The following DPYSL5 variants were observed in gnomAD, a reference collection of about 807,000 sequenced individuals.
DPYSL5 encodes the protein dihydropyrimidinase like 5.
In DPYSL5, 9 loss-of-function variants were observed where a neutral mutation model predicts 58.4. That is an observed-to-expected ratio of 0.15 (90% confidence interval 0.09 to 0.27). The LOEUF (loss-of-function observed/expected upper bound fraction) is 0.27, where lower values mean the gene tolerates loss of function less well. DPYSL5 is among the 10% of genes least tolerant of loss of function. The pLI, the probability that DPYSL5 is intolerant of heterozygous loss-of-function variation, is 1.00. For synonymous variants in DPYSL5, 293 were observed against 301.9 expected (o/e 0.97, Z 0.31); for missense variants, 499 against 770.6 (o/e 0.65, Z 4.17).
intron 5 of DPYSL5, among the ~76,000 whole-genome samples, chr2:26,928,996 A>G (rs765680506): frequency 3.3e-5 from 5 of 151,926 alleles, no homozygotes; most frequent in African/African-American, 7.3e-5. Flanking sequence ...ACTTTGGACC[A>G]GGGGTCACCA....
At chr2:26,915,734 TC>T (rs1483363814) in intron 2 of DPYSL5, among the ~76,000 whole-genome samples, 2 of 152,152 alleles carry the variant, frequency 1.3e-5, no homozygotes, top group African/African-American at 2.4e-5. Flanking sequence ...CCCAAAACCT[TC>T]CATCTGGGAT....
In DPYSL5 at chr2:26,891,924, C is replaced by T. The variant is rs564394388; in HGVS notation, c.-4-6572C>T. Among the ~76,000 whole-genome samples, 6 of 152,286 alleles carry T rather than the reference C, an allele frequency of 3.9e-5. No individual in the cohort carries two copies. In the South Asian group the frequency reaches 8.3e-4, roughly 21 times the overall value. On this transcript the variant is annotated intron_variant, in intron 1 of 12. Transcript: ENST00000288699. The stretch of plus-strand genomic sequence containing the variant: ...CTGACCTCAAGTGATCCGCCGGCCT[C>T]AGCCTCCCAAAGTGCTGGGATTACA...
At chr2:26,902,638 C>T (rs539991297) in intron 2 of DPYSL5, among the ~76,000 whole-genome samples, 3 of 152,214 alleles carry the variant, frequency 2.0e-5, no homozygotes, top group Admixed American at 6.5e-5. Context: ...GACGTGTGAA[C>T]CAGAGCAGCT....
rs1365819949 is a variant in DPYSL5, at chr2:26,940,936, TA to T, written c.1089+765del. The stretch of plus-strand genomic sequence containing the variant: ...TTCTGATTATTATTATTATTATTAT[TA>T]TTTATTTTTTTTTGTGTGTGATAGA... On this transcript the variant is annotated intron_variant, in intron 9 of 12. Coordinates refer to ENST00000288699, the MANE Select transcript of DPYSL5 (RefSeq NM_020134.4). Among the ~76,000 whole-genome samples, 48 of 98,986 alleles carry T rather than the reference TA, an allele frequency of 4.8e-4. 1 individual carries two copies. The South Asian group carries it at 5.7e-3, about 12-fold the overall frequency. The allele number at this position is 98,986 out of a possible 152,430, so 64.9% of individuals were successfully genotyped here.
Position 26,924,145 on chromosome 2 carries a change from C to T in DPYSL5, c.262-742C>T, listed in dbSNP as rs1297448109. On this transcript the variant is annotated intron_variant, in intron 2 of 12. Coordinates refer to ENST00000288699, the MANE Select transcript of DPYSL5 (RefSeq NM_020134.4). The surrounding 1 kb of genome is among the most constrained non-coding windows in gnomAD (Gnocchi z 4.7). ...TTCCTGGGGGTTCACTCTATGATTG[C>T]GAGTGAGGCTTTTTAACAATTTCTT... Among the ~76,000 whole-genome samples the T allele has an allele frequency of 3.9e-5, 6 of 152,126 alleles. No individual in the cohort carries two copies. The highest frequency in any genetic ancestry group is 8.8e-5 in the Non-Finnish European group (6 of 68,024).
At chr2:26,894,156 G>C (rs1663956432) in intron 1 of DPYSL5, among the ~76,000 whole-genome samples, 1 of 151,288 alleles carries the variant, frequency 6.6e-6, no homozygotes, top group Non-Finnish European at 1.5e-5. Context: ...ACCAAAGTGT[G>C]CCCCCTGGAT....
intron 9 of DPYSL5, among the ~76,000 whole-genome samples, chr2:26,940,811 T>G (rs1665297945): frequency 6.6e-6 from 1 of 151,948 alleles, no homozygotes; most frequent in Admixed American, 6.6e-5. Flanking sequence ...ATACTTTATT[T>G]AATCCTTCCC....
intron 2 of DPYSL5, among the ~76,000 whole-genome samples, chr2:26,920,333 A>G (rs1414545091): frequency 6.6e-6 from 1 of 152,240 alleles, no homozygotes; most frequent in Non-Finnish European, 1.5e-5. Context: ...TAAACACATT[A>G]AGAATGGCTA....
chr2:26,867,443 G>GTTTTTTT (rs982589815), intron 1 of DPYSL5, among the ~76,000 whole-genome samples: 1 of 136,418 alleles, frequency 7.3e-6, no homozygotes. Flanking sequence ...CCAATTGTTT[G>GTTTTTTT]TTTTTTTTTT....
intron 1 of DPYSL5, among the ~76,000 whole-genome samples, chr2:26,856,715 TA>T (rs35245760): frequency 1.5e-3 from 220 of 148,412 alleles, no homozygotes; most frequent in Non-Finnish European, 2.7e-3. Flanking sequence ...ATGGAGAAAT[TA>T]AAAAAAAAAT....
intron 1 of DPYSL5, among the ~76,000 whole-genome samples, chr2:26,861,218 C>T (rs1398058189): frequency 6.6e-6 from 1 of 152,206 alleles, no homozygotes; most frequent in African/African-American, 2.4e-5. Context: ...GCTCTGAGAT[C>T]AGGAAGTAGG....
intron 5 of DPYSL5, among the ~76,000 whole-genome samples, chr2:26,928,687 G>GTGTGTATA (rs143828804): frequency 1.6e-5 from 1 of 60,702 alleles, no homozygotes; most frequent in Non-Finnish European, 3.5e-5. Flanking sequence ...AGGTGATAGA[G>GTGTGTATA]TATATATATA....
chr2:26,888,210 T>TTTCG (rs1663770368), intron 1 of DPYSL5, among the ~76,000 whole-genome samples: 2 of 45,178 alleles, frequency 4.4e-5, no homozygotes, highest in East Asian at 1.8e-3. Flanking sequence ...TTCCCTTTCT[T>TTTCG]TTCTTTCTTT....
intron 1 of DPYSL5, among the ~76,000 whole-genome samples, chr2:26,895,039 T>C (rs1663978245): frequency 6.6e-6 from 1 of 152,232 alleles, no homozygotes; most frequent in South Asian, 2.1e-4. Context: ...CAACACCAAT[T>C]GTTGAAAAGA....
At chr2:26,892,009 A>G (rs1414539882) in intron 1 of DPYSL5, among the ~76,000 whole-genome samples, 1 of 152,168 alleles carries the variant, frequency 6.6e-6, no homozygotes, top group Admixed American at 6.5e-5. Flanking sequence ...TTCAGATTAT[A>G]TGTTCCTCCT....
At chr2:26,941,186 T>A (rs983766816) in intron 9 of DPYSL5, among the ~76,000 whole-genome samples, 1 of 152,016 alleles carries the variant, frequency 6.6e-6, no homozygotes, top group African/African-American at 2.4e-5. Context: ...GATCCGCCCG[T>A]CTTGGCCTCC....
chr2:26,849,869 C>A lies in DPYSL5; in HGVS notation c.-5+1615C>A, dbSNP rs565438052. Among the ~76,000 whole-genome samples the A allele has an allele frequency of 6.6e-6, 1 of 152,310 alleles. No homozygotes were observed. The highest frequency in any genetic ancestry group is 1.9e-4 in the East Asian group (1 of 5,146). ...TGGGGGCCTGCAGACAGCCACCCCC[C>A]CACTCCGGCTCGGGTGCCTTCTGGT... On this transcript the variant is annotated intron_variant, in intron 1 of 12. Coordinates refer to ENST00000288699, the MANE Select transcript of DPYSL5 (RefSeq NM_020134.4). The surrounding 1 kb of genome is among the most constrained non-coding windows in gnomAD (Gnocchi z 6.2).
chr2:26,941,097 C>G (rs1233078913), intron 9 of DPYSL5, among the ~76,000 whole-genome samples: 1 of 151,982 alleles, frequency 6.6e-6, no homozygotes, highest in African/African-American at 2.4e-5. Flanking sequence ...CCACTATGCC[C>G]AGCTAATTTT....
rs191975648 is a variant in DPYSL5 at position 26,916,378 on chromosome 2, C to T, written c.262-8509C>T. On this transcript the variant is annotated intron_variant, in intron 2 of 12. Coordinates refer to ENST00000288699, the MANE Select transcript of DPYSL5 (RefSeq NM_020134.4). Reference sequence around the variant, plus strand: ...GAGATCAAGTGCATCCCAGCTCCCCCGACAGCCTCCCATCCTGGGCCAGAC... The same window carrying T: ...GAGATCAAGTGCATCCCAGCTCCCCTGACAGCCTCCCATCCTGGGCCAGAC... 7.9e-5 allele frequency among the ~76,000 whole-genome samples: 12 copies of T among 152,248 alleles called. No homozygotes were observed. In the East Asian group the frequency reaches 9.6e-4, roughly 12 times the overall value.
Sources: allele counts gnomAD v4.1 joint callset (sites outside exome capture counted in the v4.1 genomes callset), GRCh38; gene constraint gnomAD v4.1.1; non-coding constraint Gnocchi (gnomAD v3.1); transcripts MANE v1.5; gene names NCBI Gene and HGNC (gene_info 2026-07-23, HGNC 2026-07-21).